The following NAV1 variants were observed in gnomAD, a reference collection of about 807,000 sequenced individuals.
NAV1 encodes neuron navigator 1, also known as pore membrane and/or filament interacting like protein 3.
NAV1 carries 18 observed loss-of-function variants against 175.2 expected under a neutral mutation model. The ratio of observed to expected loss-of-function variants is 0.10; its 90% CI spans 0.07 to 0.15. The LOEUF is 0.15. Among genes scored for constraint, NAV1 ranks in the 10% least tolerant of loss-of-function variants. The pLI is 1.00. For synonymous variants in NAV1, 897 were observed against 978.7 expected (o/e 0.92, Z 1.56); for missense variants, 1,731 against 2,436.6 (o/e 0.71, Z 6.10).
chr1:201,643,307 T>TTTTC (rs371103162), upstream of NAV1, among the ~76,000 whole-genome samples: 1,447 of 147,708 alleles, frequency 9.8e-3, 22 homozygotes, highest in African/African-American at 0.035. Context: ...TTCTCTTTCT[T>TTTTC]TTTCTTTCTT....
Position 201,776,640 on chromosome 1 carries a change from C to CA in NAV1, c.1227-3765dup, listed in dbSNP as rs34504688. ...TGGGTGACAGAGCAAGACTCCATCT[C>CA]AAAAAAAAAAAAAAAAGAGTTGTTT... On this transcript the variant is annotated intron_variant, in intron 3 of 29. Transcript: ENST00000367296. 4.6e-3 allele frequency among the ~76,000 whole-genome samples: 447 copies of CA among 96,900 alleles called. 2 individuals are homozygous for CA. Among genetic ancestry groups the CA allele is most frequent in the Middle Eastern group, 0.017 (3 of 176 alleles). The allele number at this position is 96,900 out of a possible 152,430, so 63.6% of individuals were successfully genotyped here. A position where few individuals can be genotyped will look rare whatever the true frequency, so the allele number is the denominator to read the frequency against.
chr1:201,793,930 G>A, intron 14 of NAV1, 55 bp downstream of exon 18: 1 of 1,464,624 alleles, frequency 6.8e-7, no homozygotes, highest in Non-Finnish European at 9.4e-7. Flanking sequence ...GGTTCTCCTG[G>A]ACAGAGAGGC....
At chr1:201,772,499 G>C (rs957211075) in intron 3 of NAV1, among the ~76,000 whole-genome samples, 12 of 152,342 alleles carry the variant, frequency 7.9e-5, no homozygotes, top group Non-Finnish European at 1.3e-4. Flanking sequence ...AGTGGGATGG[G>C]AGTGGAGAAA....
intron 1 of NAV1, among the ~76,000 whole-genome samples, chr1:201,657,432 C>T (rs1669448654): frequency 6.6e-6 from 1 of 152,218 alleles, no homozygotes; most frequent in Non-Finnish European, 1.5e-5. Context: ...GATCCCCTTT[C>T]TTATATTTGG....
At chr1:201,626,949 C>T (rs1021055375) in intron 1 of NAV1, among the ~76,000 whole-genome samples, 1 of 152,230 alleles carries the variant, frequency 6.6e-6, no homozygotes, top group African/African-American at 2.4e-5. Flanking sequence ...ACAGAGCTGA[C>T]TGAAATTAGA....
chr1:201,629,499 C>T, exon 2 of NAV1: 2 of 1,303,784 alleles, frequency 1.5e-6, no homozygotes, highest in Non-Finnish European at 2.0e-6. Flanking sequence ...GAGAGCTTCT[C>T]CTGCATGGGT....
Position 201,810,746 on chromosome 1 carries a change from G to T in NAV1, c.4785G>T (p.Gln1595His), listed in dbSNP as rs972965214. Residue 1595 changes from glutamine (Q) to histidine (H), a missense_variant, in exon 24 of 30, where the codon CAG becomes CAT. Transcript: ENST00000367296. The surrounding 1 kb of genome is among the most constrained non-coding windows in gnomAD (Gnocchi z 6.0). ...TCGTCAGCACCTTCAACATGCACCA[G>T]CAGTCTTGCAAGGTGGCTGCCCCCC... 5.6e-6 allele frequency: 9 copies of T among 1,613,598 alleles called. No homozygotes were observed. The highest frequency in any genetic ancestry group is 7.6e-6 in the Non-Finnish European group (9 of 1,179,716).
intron 1 of NAV1, among the ~76,000 whole-genome samples, chr1:201,552,937 C>G (rs901182483): frequency 3.9e-5 from 6 of 152,146 alleles, no homozygotes; most frequent in Non-Finnish European, 7.4e-5. Flanking sequence ...GGTGCTGGCT[C>G]TAAGATATAT....
chr1:201,545,891 T>G (rs1468397932), intron 1 of NAV1, among the ~76,000 whole-genome samples: 1 of 152,248 alleles, frequency 6.6e-6, no homozygotes, highest in Admixed American at 6.5e-5. Context: ...TGTTATCTAA[T>G]TTTTTGGTAG....
At chr1:201,764,536 C>G (rs1256871020) in intron 3 of NAV1, among the ~76,000 whole-genome samples, 1 of 152,172 alleles carries the variant, frequency 6.6e-6, no homozygotes, top group Admixed American at 6.5e-5. Flanking sequence ...TCTTAATTAC[C>G]TCCCTGAACG....
chr1:201,585,124 G>C (rs1571832995), intron 1 of NAV1, among the ~76,000 whole-genome samples: 1 of 152,194 alleles, frequency 6.6e-6, no homozygotes, highest in Non-Finnish European at 1.5e-5. Context: ...CAAGCTTTGG[G>C]CAGGTCATTG....
chr1:201,696,523 C>T (rs934592314), intron 1 of NAV1, among the ~76,000 whole-genome samples: 8 of 152,134 alleles, frequency 5.3e-5, no homozygotes, highest in Non-Finnish European at 1.0e-4. Context: ...GCTGGCAGCC[C>T]GATGTCTTGG....
chr1:201,543,065 C>T (rs1257560414), intron 1 of NAV1, among the ~76,000 whole-genome samples: 2 of 152,218 alleles, frequency 1.3e-5, no homozygotes, highest in African/African-American at 4.8e-5. Flanking sequence ...ATCATGTCAA[C>T]TGTGAATAGA....
intron 3 of NAV1, among the ~76,000 whole-genome samples, chr1:201,765,431 T>C (rs1402868464): frequency 6.7e-6 from 1 of 149,920 alleles, no homozygotes; most frequent in Non-Finnish European, 1.5e-5. Context: ...CTCTTGCTCT[T>C]TCACCCAGGC....
chr1:201,781,431 A>G (rs1169634417), intron 5 of NAV1, 122 bp downstream of exon 9: 5 of 1,000,790 alleles, frequency 5.0e-6, no homozygotes, highest in Non-Finnish European at 7.2e-6. Context: ...AACAGACATT[A>G]TCTTATCTGG....
intron 1 of NAV1, among the ~76,000 whole-genome samples, chr1:201,587,337 T>G (rs980895840): frequency 5.3e-4 from 81 of 151,948 alleles, no homozygotes; most frequent in African/African-American, 2.0e-3. Flanking sequence ...ACTCAAATAA[T>G]GAGAAAACAT....
chr1:201,771,817 G>A (rs1274078685), intron 3 of NAV1, among the ~76,000 whole-genome samples: 1 of 152,160 alleles, frequency 6.6e-6, no homozygotes, highest in African/African-American at 2.4e-5. Flanking sequence ...TATGTTTAAG[G>A]ATCCAGTAGA....
intron 3 of NAV1, among the ~76,000 whole-genome samples, chr1:201,727,480 C>A (rs1301428408): frequency 6.6e-6 from 1 of 152,208 alleles, no homozygotes; most frequent in African/African-American, 2.4e-5. Flanking sequence ...AAGCTCACTG[C>A]ACACAGAGTC....
chr1:201,813,249 T>C lies in NAV1; in HGVS notation c.5331T>C (p.Asp1777=), dbSNP rs1158437739. Residue 1777 remains aspartate, a synonymous_variant, in exon 28 of 30, where the codon GAT becomes GAC. Coordinates refer to ENST00000367296, the Ensembl canonical transcript of NAV1. The surrounding 1 kb of genome is among the most constrained non-coding windows in gnomAD (Gnocchi z 4.2). ...CCTATCTACAGGAAGGAGCCAAGGA[T>C]GGGATAAAGGTGAGCCCTACCCCCT... 1.4e-5 allele frequency: 23 copies of C among 1,610,988 alleles called. No individual in the cohort carries two copies. Among genetic ancestry groups the C allele is most frequent in the Non-Finnish European group, 2.0e-5 (23 of 1,177,162 alleles).
Sources: gnomAD v4.1 joint callset for allele counts (sites outside exome capture counted in the v4.1 genomes callset) on GRCh38, gnomAD v4.1.1 for gene constraint, Gnocchi (gnomAD v3.1) non-coding constraint, MANE v1.5 for transcripts, NCBI Gene and HGNC (gene_info 2026-07-23, HGNC 2026-07-21) for gene names.